The following B3GNT2 variants were observed in gnomAD, a reference collection of about 807,000 sequenced individuals.
B3GNT2 encodes the protein N-acetyllactosaminide beta-1,3-N-acetylglucosaminyltransferase 2.
In B3GNT2, 12 loss-of-function variants were observed where a neutral mutation model predicts 27.6. That is an observed-to-expected ratio of 0.44 (90% CI 0.28 to 0.71). B3GNT2 has a LOEUF of 0.71. B3GNT2 is among the 30% of genes least tolerant of loss of function. The pLI is 0.17. For missense variants in B3GNT2, 413 were observed against 488.5 expected (o/e 0.85, Z 1.46); for synonymous variants, 192 against 189.7 (o/e 1.01, Z -0.10).
intron 1 of B3GNT2, among the ~76,000 whole-genome samples, chr2:62,210,350 G>A (rs556062876): frequency 6.5e-4 from 99 of 152,278 alleles, no homozygotes; most frequent in African/African-American, 2.3e-3. Flanking sequence ...GATTAAATGA[G>A]ATGAGAACAT....
rs529482379 is a variant in B3GNT2 at position 62,213,716 on chromosome 2, T to TC, written c.-9-8496_-9-8495insC. 2.4e-3 allele frequency among the ~76,000 whole-genome samples: 361 copies of TC among 152,268 alleles called. 3 individuals carry two copies. Among genetic ancestry groups the TC allele is most frequent in the African/African-American group, 8.5e-3 (353 of 41,540 alleles). ...TCTTATCTCCCCTAAGTCTAGCAAG[T>TC]TATTTAAATTTTTCTGTTACCCTTT... On this transcript the variant is annotated intron_variant, in intron 1 of 1. Coordinates refer to ENST00000301998, the MANE Select transcript of B3GNT2 (RefSeq NM_006577.6).
At chr2:62,215,383 C>CAAAAAG (rs1424791612) in intron 1 of B3GNT2, 3 of 152,246 alleles carry the variant, frequency 2.0e-5, no homozygotes, top group Admixed American at 2.0e-4. Context: ...GGTGAAAACC[C>CAAAAAG]AGGCCAGGCC....
intron 1 of B3GNT2, among the ~76,000 whole-genome samples, chr2:62,210,973 G>A (rs1305228679): frequency 6.6e-6 from 1 of 152,170 alleles, no homozygotes; most frequent in African/African-American, 2.4e-5. Flanking sequence ...TCCTCCGGAA[G>A]TAACCAGATG....
At chr2:62,206,939 C>T (rs1674387291) in intron 1 of B3GNT2, among the ~76,000 whole-genome samples, 1 of 152,216 alleles carries the variant, frequency 6.6e-6, no homozygotes, top group South Asian at 2.1e-4. Flanking sequence ...TTCATCCTAA[C>T]TACCAAGAAA....
In B3GNT2 at chr2:62,224,624, T is replaced by C. The variant is rs1037584731; in HGVS notation, c.*1210T>C. 3 of 167,124 alleles carry C rather than the reference T, an allele frequency of 1.8e-5. No homozygotes were observed. Among genetic ancestry groups the C allele is most frequent in the Non-Finnish European group, 4.4e-5 (3 of 68,128 alleles). The allele number at this position is 167,124 out of a possible 1,614,324, so 10.4% of individuals were successfully genotyped here. A position where few individuals can be genotyped will look rare whatever the true frequency, so the allele number is the denominator to read the frequency against. On this transcript the variant is annotated 3_prime_UTR_variant, in exon 2 of 2. Coordinates refer to ENST00000301998, the MANE Select transcript of B3GNT2 (RefSeq NM_006577.6). ...GCCAAACTATTACTTATATGTACTA[T>C]TGTGTAACATACTTTCTTGAAATAT... is the stretch of plus-strand genomic sequence containing the variant.
chr2:62,212,488 C>G (rs1033062650), intron 1 of B3GNT2, among the ~76,000 whole-genome samples: 39 of 151,884 alleles, frequency 2.6e-4, no homozygotes, highest in African/African-American at 9.4e-4. Flanking sequence ...ACGTGGTAAG[C>G]TCCTATGGAG....
chr2:62,199,819 C>T (rs1674226155), intron 1 of B3GNT2, among the ~76,000 whole-genome samples: 2 of 152,212 alleles, frequency 1.3e-5, no homozygotes, highest in Non-Finnish European at 2.9e-5. Context: ...CCAAATATGT[C>T]TGCAAATTAC....
intron 1 of B3GNT2, among the ~76,000 whole-genome samples, chr2:62,201,721 A>G (rs553741532): frequency 6.6e-6 from 1 of 152,372 alleles, no homozygotes; most frequent in East Asian, 1.9e-4. Flanking sequence ...AAAGGAAAAT[A>G]AAACTAATTC....
chr2:62,211,905 C>T (rs1674488648), intron 1 of B3GNT2, among the ~76,000 whole-genome samples: 2 of 152,198 alleles, frequency 1.3e-5, no homozygotes, highest in South Asian at 2.1e-4. Context: ...AGGGCTGTCA[C>T]GTATTTATTA....
At chr2:62,212,033 T>G (rs902563679) in intron 1 of B3GNT2, among the ~76,000 whole-genome samples, 6 of 152,262 alleles carry the variant, frequency 3.9e-5, no homozygotes, top group Non-Finnish European at 5.9e-5. Context: ...TAGAGATCTA[T>G]AACTTGTGCC....
chr2:62,220,176 C>T (rs1359660055), intron 1 of B3GNT2, among the ~76,000 whole-genome samples: 1 of 152,230 alleles, frequency 6.6e-6, no homozygotes, highest in Non-Finnish European at 1.5e-5. Context: ...TATGGAGGGA[C>T]TGTTACCATC....
intron 1 of B3GNT2, among the ~76,000 whole-genome samples, chr2:62,200,433 G>A (rs2104182334): frequency 6.6e-6 from 1 of 152,274 alleles, no homozygotes; most frequent in Admixed American, 6.5e-5. Flanking sequence ...GATGTACGTA[G>A]CTTACCAGAA....
Position 62,222,779 on chromosome 2 carries a change from C to G in B3GNT2, c.559C>G (p.Pro187Ala), listed in dbSNP as rs765982851. ...AGTCTTCCTGCTGGGCCAGACACCC[C>G]CAGAGGACAACCACCCCGACCTTTC... is the stretch of plus-strand genomic sequence containing the variant. ...VRVFLLGQTP[P>A]EDNHPDLSDM... Residue 187 changes from proline (P) to alanine (A), a missense_variant, in exon 2 of 2, where the codon CCA becomes GCA. Physicochemically the swap from Pro to Ala is conservative, Grantham distance 27. Coordinates refer to ENST00000301998, the MANE Select transcript of B3GNT2 (RefSeq NM_006577.6). This position sits in a 1 kb window ranked among gnomAD's most constrained non-coding sequence, Gnocchi z 4.2. 15 of 1,614,042 alleles carry G rather than the reference C, an allele frequency of 9.3e-6. No individual in the cohort carries two copies. The South Asian group carries it at 1.2e-4, about 13-fold the overall frequency.
At chr2:62,204,157 G>A (rs559725638) in intron 1 of B3GNT2, among the ~76,000 whole-genome samples, 1 of 152,280 alleles carries the variant, frequency 6.6e-6, no homozygotes, top group South Asian at 2.1e-4. Context: ...CTCCTGAGTA[G>A]CTGGGATTAC....
At chr2:62,199,938 C>G (rs1413531807) in intron 1 of B3GNT2, among the ~76,000 whole-genome samples, 2 of 152,206 alleles carry the variant, frequency 1.3e-5, no homozygotes, top group Admixed American at 1.3e-4. Context: ...TTCATCATCA[C>G]TCACTGGTAA....
Position 62,222,128 on chromosome 2 carries a change from TC to T in B3GNT2, c.-9-82del. 1 of 1,233,732 alleles carries T rather than the reference TC, an allele frequency of 8.1e-7. No individual in the cohort carries two copies. Among genetic ancestry groups the T allele is most frequent in the African/African-American group, 1.5e-5 (1 of 65,472 alleles). 76.4% of individuals were successfully genotyped at this position (1,233,732 alleles called of 1,614,324 possible). ...TAGAGTCTTTGCTGTAAACCACTAT[TC>T]CTGGGGAGACAGGTAAAATAAATTG... On this transcript the variant is annotated intron_variant, in intron 1 of 1. Transcript: ENST00000301998. This position sits in a 1 kb window ranked among gnomAD's most constrained non-coding sequence, Gnocchi z 4.2.
At chr2:62,210,895 G>A (rs1320516521) in intron 1 of B3GNT2, among the ~76,000 whole-genome samples, 1 of 152,204 alleles carries the variant, frequency 6.6e-6, no homozygotes, top group Non-Finnish European at 1.5e-5. Flanking sequence ...TTAAGGGTGA[G>A]AGTGAGGGGA....
rs190964722 is a variant in B3GNT2, at chr2:62,221,032, C to T, written c.-9-1180C>T. On this transcript the variant is annotated intron_variant, in intron 1 of 1. Coordinates refer to ENST00000301998, the MANE Select transcript of B3GNT2 (RefSeq NM_006577.6). ...TTCAGGTTTGACATATGCATACATC[C>T]GTGGAGCCTTCATCAGGATCAAGAC... 3.3e-5 allele frequency among the ~76,000 whole-genome samples: 5 copies of T among 152,304 alleles called. No homozygotes were observed. In the East Asian group the frequency reaches 5.8e-4, roughly 18 times the overall value.
intron 1 of B3GNT2, among the ~76,000 whole-genome samples, chr2:62,202,722 C>T (rs1674292282): frequency 6.6e-6 from 1 of 152,216 alleles, no homozygotes; most frequent in African/African-American, 2.4e-5. Flanking sequence ...CAGAAAGAAG[C>T]TGGAGGGATC....
Sources: allele counts gnomAD v4.1 joint callset (sites outside exome capture counted in the v4.1 genomes callset), GRCh38; gene constraint gnomAD v4.1.1; non-coding constraint Gnocchi (gnomAD v3.1); transcripts MANE v1.5; gene names NCBI Gene and HGNC (gene_info 2026-07-23, HGNC 2026-07-21).